ARHGAP15: variants seen among roughly 807,000 people sequenced by gnomAD.
ARHGAP15 encodes the protein Rho GTPase activating protein 15, also known as rho GTPase-activating protein 15.
ARHGAP15 carries 51 observed loss-of-function variants against 63.7 expected under a neutral mutation model. The ratio of observed to expected loss-of-function variants is 0.80; its 90% CI spans 0.64 to 1.01. ARHGAP15 has a LOEUF of 1.01. Among genes scored for constraint, ARHGAP15 ranks in the 50% least tolerant of loss-of-function variants. The probability of loss-of-function intolerance (pLI) is 0.00; values close to 1 mark genes in which losing one functional copy is unlikely to be tolerated. For synonymous variants in ARHGAP15, 191 were observed against 193.8 expected (o/e 0.99, Z 0.12); for missense variants, 560 against 564.6 (o/e 0.99, Z 0.08).
At chr2:143,295,557 GTTC>G (rs1682597892) in intron 6 of ARHGAP15, 2 of 152,094 alleles carry the variant, frequency 1.3e-5, no homozygotes, top group African/African-American at 4.8e-5. Context: ...CATCAAGGAT[GTTC>G]TTCTTTAGCT....
intron 1 of ARHGAP15, among the ~76,000 whole-genome samples, chr2:143,139,315 C>T (rs1689269539): frequency 6.6e-6 from 1 of 152,096 alleles, no homozygotes; most frequent in Non-Finnish European, 1.5e-5. Context: ...ACCACTTATT[C>T]CATACATCCA....
chr2:143,287,687 T>C (rs1269333738), intron 6 of ARHGAP15, among the ~76,000 whole-genome samples: 3 of 151,786 alleles, frequency 2.0e-5, no homozygotes, highest in Non-Finnish European at 2.9e-5. Context: ...ACACCTGTAA[T>C]AGCTACTCGG....
intron 1 of ARHGAP15, among the ~76,000 whole-genome samples, chr2:143,133,997 A>C (rs993034512): frequency 6.6e-6 from 1 of 152,180 alleles, no homozygotes; most frequent in Non-Finnish European, 1.5e-5. Context: ...CTATTCCACT[A>C]TATGGAAATA....
At chr2:143,695,739 G>A (rs1285781387) in intron 12 of ARHGAP15, among the ~76,000 whole-genome samples, 1 of 151,962 alleles carries the variant, frequency 6.6e-6, no homozygotes, top group East Asian at 1.9e-4. Flanking sequence ...ATGGCAGTGA[G>A]TGCCTGTAGT....
rs1281869605 is a variant in ARHGAP15, at chr2:143,673,756, GTGTATATATA to G, written c.1139-29661_1139-29652del. 6.0e-3 allele frequency among the ~76,000 whole-genome samples: 186 copies of G among 30,992 alleles called. 5 individuals carry two copies. The highest frequency in any genetic ancestry group is 9.6e-3 in the African/African-American group (137 of 14,234). 20.3% of individuals were successfully genotyped at this position (30,992 alleles called of 152,430 possible). ...TGTGTGTGTGTGTGTGTGTGTGTGT[GTGTATATATA>G]TATATATATATATATATAAACAACT... is the stretch of plus-strand genomic sequence containing the variant. On this transcript the variant is annotated intron_variant, in intron 12 of 13. Coordinates refer to ENST00000295095, the MANE Select transcript of ARHGAP15 (RefSeq NM_018460.4).
chr2:143,168,541 T>A (rs1690639469), intron 2 of ARHGAP15, among the ~76,000 whole-genome samples: 1 of 152,138 alleles, frequency 6.6e-6, no homozygotes. Flanking sequence ...GCCTTTCAAG[T>A]AACACTAAAA....
chr2:143,217,977 G>A (rs765175495), intron 4 of ARHGAP15, among the ~76,000 whole-genome samples: 3 of 152,106 alleles, frequency 2.0e-5, no homozygotes, highest in Non-Finnish European at 4.4e-5. Flanking sequence ...GTTTTGTAAA[G>A]TATCCTTGTC....
intron 2 of ARHGAP15, among the ~76,000 whole-genome samples, chr2:143,168,200 G>T (rs531774486): frequency 1.3e-5 from 2 of 152,160 alleles, no homozygotes; most frequent in South Asian, 4.2e-4. Context: ...TTCTGGCTGT[G>T]TTGCTTGGGC....
intron 9 of ARHGAP15, among the ~76,000 whole-genome samples, chr2:143,517,727 T>C (rs1481311156): frequency 6.6e-6 from 1 of 152,174 alleles, no homozygotes; most frequent in Non-Finnish European, 1.5e-5. Flanking sequence ...GCATAGAGAA[T>C]GGCATGGAGT....
At chr2:143,650,423 TA>T (rs1234590214) in intron 12 of ARHGAP15, among the ~76,000 whole-genome samples, 1 of 151,910 alleles carries the variant, frequency 6.6e-6, no homozygotes, top group Non-Finnish European at 1.5e-5. Flanking sequence ...ATTATTGAAT[TA>T]ACTAACCTGT....
At chr2:143,183,160 G>A (rs1054795962) in intron 2 of ARHGAP15, among the ~76,000 whole-genome samples, 7 of 152,188 alleles carry the variant, frequency 4.6e-5, no homozygotes, top group Admixed American at 4.6e-4. Flanking sequence ...TCTCAAGATA[G>A]TAGAAGAGAA....
At chr2:143,705,497 A>C (rs146657848) in intron 13 of ARHGAP15, among the ~76,000 whole-genome samples, 138 of 152,342 alleles carry the variant, frequency 9.1e-4, no homozygotes, top group African/African-American at 3.0e-3. Flanking sequence ...GATAATGCAT[A>C]TAAAACGCCT....
At chr2:143,358,082 G>A (rs1226612389) in intron 6 of ARHGAP15, among the ~76,000 whole-genome samples, 1 of 152,198 alleles carries the variant, frequency 6.6e-6, no homozygotes, top group African/African-American at 2.4e-5. Context: ...CCTTGAGCCA[G>A]GTTGGAAAGG....
chr2:143,389,138 T>A (rs539347693), intron 6 of ARHGAP15, among the ~76,000 whole-genome samples: 65 of 149,306 alleles, frequency 4.4e-4, no homozygotes, highest in Middle Eastern at 7.0e-3. Flanking sequence ...ATTATTATTT[T>A]TTATTATTAT....
chr2:143,222,545 G>A (rs897276472), intron 4 of ARHGAP15, among the ~76,000 whole-genome samples: 3 of 152,218 alleles, frequency 2.0e-5, no homozygotes, highest in Admixed American at 2.0e-4. Context: ...AATATTTTAA[G>A]AGCCATTTTT....
intron 11 of ARHGAP15, chr2:143,608,780 T>TA (rs35233634): frequency 2.0e-4 from 31 of 152,322 alleles, no homozygotes; most frequent in African/African-American, 6.5e-4. Flanking sequence ...TTGTTCACTT[T>TA]AAAAAAAGTG....
At chr2:143,267,527 A>C (rs1456064290) in intron 6 of ARHGAP15, among the ~76,000 whole-genome samples, 1 of 152,224 alleles carries the variant, frequency 6.6e-6, no homozygotes, top group Non-Finnish European at 1.5e-5. Flanking sequence ...TAGGAGCTGA[A>C]GGTCAAAGAA....
intron 6 of ARHGAP15, among the ~76,000 whole-genome samples, chr2:143,280,157 A>G (rs192482562): frequency 1.3e-5 from 2 of 152,322 alleles, no homozygotes; most frequent in African/African-American, 2.4e-5. Flanking sequence ...AGGTTTTCAT[A>G]TTTATAGGCT....
chr2:143,299,189 T>C (rs547511711), intron 6 of ARHGAP15, among the ~76,000 whole-genome samples: 4 of 152,060 alleles, frequency 2.6e-5, no homozygotes, highest in East Asian at 3.9e-4. Flanking sequence ...ATTCAACTTA[T>C]CCATTATGAA....
Sources: allele counts gnomAD v4.1 joint callset (sites outside exome capture counted in the v4.1 genomes callset), GRCh38; gene constraint gnomAD v4.1.1; transcripts MANE v1.5; gene names NCBI Gene and HGNC (gene_info 2026-07-23, HGNC 2026-07-21).